Variants in GPR107 observed in about 807,000 individuals in gnomAD.
GPR107 encodes protein GPR107.
In GPR107, 31 loss-of-function variants were observed where a neutral mutation model predicts 75.5. That is an observed-to-expected ratio of 0.41 (90% CI 0.31 to 0.55). The LOEUF is 0.55. Among genes scored for constraint, GPR107 ranks in the 20% least tolerant of loss-of-function variants. The pLI is 0.26. For missense variants in GPR107, 572 were observed against 665.7 expected, an observed-to-expected ratio of 0.86 and a Z score of 1.55; for synonymous variants, 267 against 251.3, an observed-to-expected ratio of 1.06 and a Z score of -0.59.
At chr9:130,114,187 G>A (rs944485899) in intron 14 of GPR107, among the ~76,000 whole-genome samples, 2 of 151,492 alleles carry the variant, frequency 1.3e-5, no homozygotes, top group African/African-American at 4.9e-5. Flanking sequence ...TGGCCAACAT[G>A]GTAAAACCCT....
chr9:130,091,882 G>T (rs896226796), intron 8 of GPR107, among the ~76,000 whole-genome samples: 1 of 152,002 alleles, frequency 6.6e-6, no homozygotes, highest in Non-Finnish European at 1.5e-5. Flanking sequence ...TTTTCGTAGA[G>T]ACAGGGTTTC....
rs1291500136 is a variant in GPR107 at position 130,079,587 on chromosome 9, G to A, written c.387-43G>A. On this transcript the variant is annotated intron_variant, in intron 4 of 17. Coordinates refer to ENST00000347136, the MANE Select transcript of GPR107 (RefSeq NM_020960.5). ...CACGCAGCGTGCTCAGTGGCCAGGA[G>A]CACTGCTTTGACCTTTTTTCCTTCT... 4 of 1,593,508 alleles carry A rather than the reference G, an allele frequency of 2.5e-6. No individual in the cohort carries two copies. The African/African-American group carries it at 4.0e-5, about 16-fold the overall frequency.
At chr9:130,083,354 A>G in intron 5 of GPR107, 1 of 369,690 alleles carries the variant, frequency 2.7e-6, no homozygotes, top group East Asian at 3.9e-5. Context: ...CGGTTACTAG[A>G]TACCATTTAT....
At position 130,069,984 on chromosome 9, in the gene GPR107, C is replaced by CTTT. The variant is rs1045979986; in HGVS notation, c.142-5627_142-5625dup. On this transcript the variant is annotated intron_variant, in intron 1 of 17. Transcript: ENST00000347136. ...AGGCATAAGCCACCGTGCCTGGCCT[C>CTTT]TTTTTTTTTTTTTTTTTTTTTTTTT... 6.4e-3 allele frequency among the ~76,000 whole-genome samples: 288 copies of CTTT among 45,318 alleles called. 10 individuals are homozygous for CTTT. Among genetic ancestry groups the CTTT allele is most frequent in the African/African-American group, 0.024 (272 of 11,530 alleles). The allele number at this position is 45,318 out of a possible 152,430, so 29.7% of individuals were successfully genotyped here.
At chr9:130,063,615 G>A (rs757572804) in intron 1 of GPR107, among the ~76,000 whole-genome samples, 2 of 151,954 alleles carry the variant, frequency 1.3e-5, no homozygotes, top group Non-Finnish European at 2.9e-5. Context: ...AGTGACTGCT[G>A]TTTGGTGGCA....
intron 1 of GPR107, among the ~76,000 whole-genome samples, chr9:130,064,185 C>CTTTTTTTTTTTT (rs1045833413): frequency 3.6e-5 from 3 of 82,590 alleles, no homozygotes; most frequent in African/African-American, 4.8e-5. Context: ...AATAGCTTTT[C>CTTTTTTTTTTTT]TTTTTTTTTT....
chr9:130,101,638 A>T (rs535983908), intron 12 of GPR107, among the ~76,000 whole-genome samples: 3 of 152,374 alleles, frequency 2.0e-5, no homozygotes, highest in Admixed American at 6.5e-5. Context: ...AGAATATGGT[A>T]GTAGACGTGA....
At chr9:130,081,720 G>A (rs512471) in intron 5 of GPR107, among the ~76,000 whole-genome samples, 1,819 of 151,554 alleles carry the variant, frequency 0.012, 24 homozygotes, top group Middle Eastern at 0.054. Flanking sequence ...GCCGGATGTG[G>A]TGGCATGCGC....
chr9:130,082,622 G>C (rs1382197989), intron 5 of GPR107, among the ~76,000 whole-genome samples: 1 of 151,810 alleles, frequency 6.6e-6, no homozygotes, highest in African/African-American at 2.4e-5. Flanking sequence ...TGGGACTATA[G>C]GCACCTGCCA....
chr9:130,097,146 C>CTTTTCTTTCTT (rs1564673041), intron 9 of GPR107, among the ~76,000 whole-genome samples: 2 of 50,980 alleles, frequency 3.9e-5, no homozygotes, highest in Non-Finnish European at 9.5e-5. Context: ...CTTTACTTTT[C>CTTTTCTTTCTT]TTTTTTTTCT....
chr9:130,105,706 A>G (rs866357892), intron 13 of GPR107, among the ~76,000 whole-genome samples: 5 of 151,732 alleles, frequency 3.3e-5, no homozygotes, highest in Non-Finnish European at 4.4e-5. Flanking sequence ...CCCTCATTCC[A>G]TCATACATCA....
At chr9:130,090,763 C>T (rs2132589794) in intron 7 of GPR107, 113 bp from the exon 8 acceptor site, 2 of 523,104 alleles carry the variant, frequency 3.8e-6, no homozygotes, top group South Asian at 2.9e-5. Flanking sequence ...AGAAATATAG[C>T]TGAGTAGAAT....
Position 130,135,092 on chromosome 9 carries a change from C to T in GPR107, c.1630C>T (p.Pro544Ser), listed in dbSNP as rs138152715. Reference protein sequence around the residue: ...VKKVTNGSVEPQGEWEGAV With the variant: ...VKKVTNGSVESQGEWEGAV Reference sequence around the variant, plus strand: ...GAAGGTGACCAACGGCTCCGTGGAGCCCCAGGGCGAGTGGGAAGGCGCCGT... The same window carrying T: ...GAAGGTGACCAACGGCTCCGTGGAGTCCCAGGGCGAGTGGGAAGGCGCCGT... The change falls in exon 18 of 18, where the codon CCC (proline) becomes TCC (serine). Residue 544 changes from proline to serine, a missense_variant. Pro to Ser is a moderately conservative substitution (Grantham distance 74). Coordinates refer to ENST00000347136, the MANE Select transcript of GPR107 (RefSeq NM_020960.5). The T allele has an allele frequency of 8.7e-6, 14 of 1,608,860 alleles. No homozygotes were observed. In the African/African-American group the frequency reaches 1.2e-4, roughly 14 times the overall value.
chr9:130,064,576 C>G (rs1318266847), intron 1 of GPR107, among the ~76,000 whole-genome samples: 4 of 152,154 alleles, frequency 2.6e-5, no homozygotes, highest in Non-Finnish European at 4.4e-5. Context: ...TAATTAGGCA[C>G]TAGGACATTT....
chr9:130,075,158 C>A (rs985430051), intron 1 of GPR107, among the ~76,000 whole-genome samples: 1 of 151,708 alleles, frequency 6.6e-6, no homozygotes, highest in Admixed American at 6.6e-5. Flanking sequence ...GTTACCACAG[C>A]TGTGTATGTT....
At position 130,101,357 on chromosome 9, in the gene GPR107, A is replaced by T; in HGVS notation, c.1131+134A>T. 2.1e-5 allele frequency: 14 copies of T among 676,116 alleles called. 1 individual carries two copies. In the South Asian group the frequency reaches 2.4e-4, roughly 12 times the overall value. The allele number at this position is 676,116 out of a possible 1,614,324, so 41.9% of individuals were successfully genotyped here. A position where few individuals can be genotyped will look rare whatever the true frequency, so the allele number is the denominator to read the frequency against. On this transcript the variant is annotated intron_variant, in intron 12 of 17. Transcript: ENST00000347136. ...CTGCTAGTGGAGGTTGAAGACTGAG[A>T]TTCTCTTTCTGAATTCTGAACAGAC...
At chr9:130,062,458 T>TAATAAC (rs1381586407) in intron 1 of GPR107, among the ~76,000 whole-genome samples, 14 of 148,596 alleles carry the variant, frequency 9.4e-5, no homozygotes, top group African/African-American at 3.5e-4. Flanking sequence ...ATAATAATAA[T>TAATAAC]AGCACTGAGT....
intron 6 of GPR107, among the ~76,000 whole-genome samples, chr9:130,085,646 A>T (rs1320326021): frequency 6.7e-6 from 1 of 148,688 alleles, no homozygotes; most frequent in Non-Finnish European, 1.5e-5. Context: ...ATTATGCAGC[A>T]CTCTTTTCTG....
intron 1 of GPR107, among the ~76,000 whole-genome samples, chr9:130,072,941 T>C (rs1830247960): frequency 6.6e-6 from 1 of 152,238 alleles, no homozygotes; most frequent in Non-Finnish European, 1.5e-5. Flanking sequence ...TTACTCATTA[T>C]AAGCAAACAA....
Sources: gnomAD v4.1 joint callset for allele counts (sites outside exome capture counted in the v4.1 genomes callset) on GRCh38, gnomAD v4.1.1 for gene constraint, MANE v1.5 for transcripts, NCBI Gene and HGNC (gene_info 2026-07-23, HGNC 2026-07-21) for gene names.